The following CDKAL1 variants were observed in gnomAD, a reference collection of about 807,000 sequenced individuals.
CDKAL1 encodes the protein CDKAL1 threonylcarbamoyladenosine tRNA methylthiotransferase.
A neutral mutation model predicts 68.2 loss-of-function variants in CDKAL1; 32 were observed. The ratio of observed to expected loss-of-function variants is 0.47; its 90% CI spans 0.35 to 0.63. The LOEUF (loss-of-function observed/expected upper bound fraction) is 0.63, where lower values mean the gene tolerates loss of function less well. Among genes scored for constraint, CDKAL1 ranks in the 30% least tolerant of loss-of-function variants. CDKAL1 has a pLI of 0.00. For missense variants in CDKAL1, 606 were observed against 696.7 expected (o/e 0.87, Z 1.47); for synonymous variants, 234 against 244.3 (o/e 0.96, Z 0.39).
intron 11 of CDKAL1, among the ~76,000 whole-genome samples, chr6:21,011,836 G>T (rs539945124): frequency 5.9e-5 from 9 of 151,976 alleles, no homozygotes; most frequent in African/African-American, 1.2e-4. Context: ...ATAGGGAAAG[G>T]TTTTAACTAG....
chr6:20,736,759 G>A (rs1773213362), intron 5 of CDKAL1, among the ~76,000 whole-genome samples: 1 of 150,304 alleles, frequency 6.7e-6, no homozygotes, highest in Admixed American at 6.6e-5. Context: ...GCCACAGAGC[G>A]AGACTCTGCC....
chr6:20,566,803 T>C (rs1764479688), intron 4 of CDKAL1, among the ~76,000 whole-genome samples: 1 of 152,158 alleles, frequency 6.6e-6, no homozygotes, highest in Admixed American at 6.5e-5. Flanking sequence ...CATAAATTCA[T>C]GACCTTAAGG....
chr6:20,914,848 A>G (rs1345921698), intron 9 of CDKAL1, among the ~76,000 whole-genome samples: 3 of 152,152 alleles, frequency 2.0e-5, no homozygotes, highest in African/African-American at 7.2e-5. Flanking sequence ...TGTCACTTTG[A>G]CAAAATTTGA....
intron 10 of CDKAL1, among the ~76,000 whole-genome samples, chr6:20,961,450 G>A (rs539677003): frequency 6.6e-6 from 1 of 152,270 alleles, no homozygotes; most frequent in South Asian, 2.1e-4. Flanking sequence ...AGGGAGATCA[G>A]GGGGAGGTGG....
At chr6:20,830,761 T>G (rs930147601) in intron 8 of CDKAL1, among the ~76,000 whole-genome samples, 2 of 152,136 alleles carry the variant, frequency 1.3e-5, no homozygotes, top group African/African-American at 4.8e-5. Flanking sequence ...CAGTGTTGTC[T>G]TTGGCAAGGA....
chr6:21,040,209 T>C (rs1226189288), intron 11 of CDKAL1, among the ~76,000 whole-genome samples: 1 of 152,202 alleles, frequency 6.6e-6, no homozygotes, highest in African/African-American at 2.4e-5. Flanking sequence ...CCGATTCTCA[T>C]AATACGATGG....
chr6:21,231,105 A>T lies in CDKAL1; in HGVS notation c.*66A>T. 3.1e-6 allele frequency: 4 copies of T among 1,281,366 alleles called. No individual in the cohort carries two copies. Among genetic ancestry groups the T allele is most frequent in the Non-Finnish European group, 4.3e-6 (4 of 919,972 alleles). 79.4% of individuals were successfully genotyped at this position (1,281,366 alleles called of 1,614,324 possible). A position where few individuals can be genotyped will look rare whatever the true frequency, so the allele number is the denominator to read the frequency against. ...CTAATTAAAATCTTCAATGAACAGGAAAGCGACATCTCCATTCTCCAAGGG... is the reference window on the plus strand; with the variant it reads ...CTAATTAAAATCTTCAATGAACAGGTAAGCGACATCTCCATTCTCCAAGGG... On this transcript the variant is annotated 3_prime_UTR_variant, in exon 16 of 16. Transcript: ENST00000274695.
intron 10 of CDKAL1, among the ~76,000 whole-genome samples, chr6:20,995,120 C>A (rs774088090): frequency 6.6e-6 from 1 of 152,178 alleles, no homozygotes; most frequent in Non-Finnish European, 1.5e-5. Context: ...GCAGCAATTC[C>A]GTCATATCTT....
At position 20,795,101 on chromosome 6, in the gene CDKAL1, A is replaced by G. The variant is rs142950745; in HGVS notation, c.638+13836A>G. On this transcript the variant is annotated intron_variant, in intron 8 of 15. Coordinates refer to ENST00000274695, the MANE Select transcript of CDKAL1 (RefSeq NM_017774.3). ...TCATATCACCTTGTTTTCCTTTTCT[A>G]TTCACTCATTATTTACCTTTCCCAT... Among the ~76,000 whole-genome samples, 412 of 152,122 alleles carry G rather than the reference A, an allele frequency of 2.7e-3. 3 individuals are homozygous for G. Among genetic ancestry groups the G allele is most frequent in the African/African-American group, 9.5e-3 (393 of 41,544 alleles).
At position 20,728,346 on chromosome 6, in the gene CDKAL1, A is replaced by G. The variant is rs113618141; in HGVS notation, c.372-11173A>G. Among the ~76,000 whole-genome samples the G allele has an allele frequency of 1.1e-3, 170 of 152,250 alleles. 2 individuals are homozygous for G. The Middle Eastern group carries it at 0.024, about 21-fold the overall frequency. On this transcript the variant is annotated intron_variant, in intron 5 of 15. Transcript: ENST00000274695. ...AATCATATATAAAAGGAAGTTGTTG[A>G]TTTTCATCGTTTACTCCAGAAATTT... is the stretch of plus-strand genomic sequence containing the variant.
At chr6:20,640,354 G>A (rs769823179) in intron 4 of CDKAL1, among the ~76,000 whole-genome samples, 2 of 152,204 alleles carry the variant, frequency 1.3e-5, no homozygotes, top group Non-Finnish European at 2.9e-5. Context: ...TGTTGTGTAA[G>A]ATAAAGGTTT....
intron 8 of CDKAL1, among the ~76,000 whole-genome samples, chr6:20,816,651 A>T (rs1012991204): frequency 1.3e-4 from 20 of 152,126 alleles, no homozygotes; most frequent in African/African-American, 4.3e-4. Context: ...CCAAATTGTG[A>T]ATCATAAAGA....
intron 9 of CDKAL1, among the ~76,000 whole-genome samples, chr6:20,891,664 A>G (rs1025543360): frequency 2.0e-5 from 3 of 151,182 alleles, no homozygotes; most frequent in African/African-American, 7.3e-5. Flanking sequence ...CCTCCCGAGT[A>G]TCTGGGACTA....
At chr6:21,047,583 C>T (rs201335) in intron 11 of CDKAL1, among the ~76,000 whole-genome samples, 28,840 of 152,136 alleles carry the variant, frequency 0.19, 2,850 homozygotes, top group Middle Eastern at 0.24. Context: ...GGCACTTTTA[C>T]TGAGCCTCAA....
chr6:21,150,469 T>C (rs1422068764), intron 13 of CDKAL1, among the ~76,000 whole-genome samples: 1 of 152,112 alleles, frequency 6.6e-6, no homozygotes, highest in Non-Finnish European at 1.5e-5. Context: ...GTAATGAAAT[T>C]TTCCCTGTGT....
chr6:20,897,881 G>A (rs6456380), intron 9 of CDKAL1, among the ~76,000 whole-genome samples: 145,896 of 152,264 alleles, frequency 0.96, 69,909 homozygotes, highest in East Asian at 1. Context: ...TTATTAATTA[G>A]AAATACATTT....
chr6:21,164,235 T>TA (rs1777046774), intron 13 of CDKAL1, among the ~76,000 whole-genome samples: 1 of 152,100 alleles, frequency 6.6e-6, no homozygotes, highest in African/African-American at 2.4e-5. Context: ...TTTGAAATTT[T>TA]AAAAAATTAT....
At chr6:20,925,617 T>C (rs997139419) in intron 9 of CDKAL1, among the ~76,000 whole-genome samples, 1 of 152,310 alleles carries the variant, frequency 6.6e-6, no homozygotes, top group African/African-American at 2.4e-5. Flanking sequence ...GTAAAAGCAT[T>C]TTATTGTTTT....
chr6:20,752,391 G>A (rs1222103942), intron 6 of CDKAL1, among the ~76,000 whole-genome samples: 5 of 152,018 alleles, frequency 3.3e-5, no homozygotes, highest in Admixed American at 6.6e-5. Flanking sequence ...TTAAATTAGA[G>A]GATATATTTT....
Sources: allele counts gnomAD v4.1 joint callset (sites outside exome capture counted in the v4.1 genomes callset), GRCh38; gene constraint gnomAD v4.1.1; transcripts MANE v1.5; gene names NCBI Gene and HGNC (gene_info 2026-07-23, HGNC 2026-07-21).